Variants in PID1 observed in about 807,000 individuals in gnomAD.
PID1 encodes phosphotyrosine interaction domain containing 1.
PID1 carries 10 observed loss-of-function variants against 19.1 expected under a neutral mutation model. That is an observed-to-expected ratio of 0.52 (90% CI 0.32 to 0.89). The LOEUF (loss-of-function observed/expected upper bound fraction) is 0.89. Ranked by LOEUF, PID1 falls within the 40% of genes least tolerant of loss-of-function variation. The pLI, the probability that PID1 is intolerant of heterozygous loss-of-function variation, is 0.03. For synonymous variants in PID1, 130 were observed against 116.0 expected, an observed-to-expected ratio of 1.12 and a Z score of -0.78; for missense variants, 248 against 285.3, an observed-to-expected ratio of 0.87 and a Z score of 0.94.
At chr2:229,242,934 G>T (rs143505076) in intron 1 of PID1, among the ~76,000 whole-genome samples, 1 of 152,108 alleles carries the variant, frequency 6.6e-6, no homozygotes, top group Non-Finnish European at 1.5e-5. Flanking sequence ...ACAGCTCTGT[G>T]AAGATTCTTC....
chr2:229,271,194 G>C lies in PID1; in HGVS notation c.-151C>G, dbSNP rs1690729737. 1 of 773,488 alleles carries C rather than the reference G, an allele frequency of 1.3e-6. No individual in the cohort carries two copies. The highest frequency in any genetic ancestry group is 2.0e-6 in the Non-Finnish European group (1 of 506,976). 47.9% of individuals were successfully genotyped at this position (773,488 alleles called of 1,614,324 possible). On this transcript the variant is annotated 5_prime_UTR_variant, in exon 1 of 3. Coordinates refer to ENST00000392055, the MANE Select transcript of PID1 (RefSeq NM_001100818.2). Reference sequence around the variant, plus strand: ...CCACCGCCGCCGGGTGGGCGTAGGGGGCTGCGAGCAGGAGGAGGCGCGGCG... The same window carrying C: ...CCACCGCCGCCGGGTGGGCGTAGGGCGCTGCGAGCAGGAGGAGGCGCGGCG...
intron 1 of PID1, chr2:229,236,414 G>A (rs1397322572): frequency 1.3e-5 from 2 of 152,010 alleles, no homozygotes; most frequent in Admixed American, 6.6e-5. Context: ...TCACAAAGAC[G>A]GTTCTCCCAC....
At chr2:229,218,045 A>AGG (rs1691885312) in intron 1 of PID1, among the ~76,000 whole-genome samples, 1 of 152,186 alleles carries the variant, frequency 6.6e-6, no homozygotes. Flanking sequence ...TGTGCAGCCC[A>AGG]AAATCTTTAT....
chr2:229,150,847 G>A (rs1690236182), intron 2 of PID1, among the ~76,000 whole-genome samples: 1 of 143,964 alleles, frequency 6.9e-6, no homozygotes, highest in Non-Finnish European at 1.5e-5. Flanking sequence ...TTTCATTGTA[G>A]AGTGCCTTTT....
At chr2:229,221,097 T>C (rs781066899) in intron 1 of PID1, among the ~76,000 whole-genome samples, 7 of 152,194 alleles carry the variant, frequency 4.6e-5, no homozygotes, top group African/African-American at 7.2e-5. Context: ...CATCCAGCTT[T>C]AACCTCTTAG....
At chr2:229,087,067 C>T (rs1237043393) in intron 2 of PID1, among the ~76,000 whole-genome samples, 1 of 152,136 alleles carries the variant, frequency 6.6e-6, no homozygotes, top group Non-Finnish European at 1.5e-5. Context: ...CTGCTGCATT[C>T]AAGGATTCAA....
intron 2 of PID1, among the ~76,000 whole-genome samples, chr2:229,051,240 C>CAAAT (rs1297361826): frequency 6.6e-6 from 1 of 152,066 alleles, no homozygotes; most frequent in Non-Finnish European, 1.5e-5. Context: ...CAAAGGTAAA[C>CAAAT]AAATAGAAAA....
chr2:229,103,547 G>C (rs1000145316), intron 2 of PID1, among the ~76,000 whole-genome samples: 7 of 150,406 alleles, frequency 4.7e-5, no homozygotes, highest in Admixed American at 4.6e-4. Flanking sequence ...AATTAGCCTA[G>C]ACTGCCTAGA....
chr2:229,125,042 A>T (rs1372031746), intron 2 of PID1, among the ~76,000 whole-genome samples: 1 of 152,214 alleles, frequency 6.6e-6, no homozygotes, highest in African/African-American at 2.4e-5. Context: ...ATTTACCAAT[A>T]TCGAGGTCCT....
intron 1 of PID1, among the ~76,000 whole-genome samples, chr2:229,160,819 T>C (rs1482003395): frequency 6.6e-6 from 1 of 152,198 alleles, no homozygotes; most frequent in Non-Finnish European, 1.5e-5. Context: ...GATTGCTTGA[T>C]GAATTATTTA....
chr2:229,228,370 A>G (rs1414954021), intron 1 of PID1, among the ~76,000 whole-genome samples: 2 of 152,246 alleles, frequency 1.3e-5, no homozygotes, highest in Non-Finnish European at 2.9e-5. Flanking sequence ...CCAACTGGTA[A>G]TAACAATTTA....
chr2:229,073,247 G>A (rs1215359310), intron 2 of PID1, among the ~76,000 whole-genome samples: 3 of 152,114 alleles, frequency 2.0e-5, no homozygotes, highest in Non-Finnish European at 1.5e-5. Flanking sequence ...GGATGGTCTC[G>A]ATCTCCTGAC....
At chr2:229,258,621 A>T (rs1250961128) in intron 1 of PID1, among the ~76,000 whole-genome samples, 1 of 152,182 alleles carries the variant, frequency 6.6e-6, no homozygotes, top group Non-Finnish European at 1.5e-5. Context: ...TTTTCAATGT[A>T]TGTATAAACC....
chr2:229,115,404 A>AG (rs1442169145), intron 2 of PID1, among the ~76,000 whole-genome samples: 1 of 150,172 alleles, frequency 6.7e-6, no homozygotes, highest in Admixed American at 6.7e-5. Flanking sequence ...ACTCTGGAGA[A>AG]AAAAAAAAAA....
intron 1 of PID1, among the ~76,000 whole-genome samples, chr2:229,219,350 G>A (rs1400216829): frequency 6.6e-6 from 1 of 152,124 alleles, no homozygotes; most frequent in Non-Finnish European, 1.5e-5. Flanking sequence ...TCTTCACATG[G>A]CAACAGCAAG....
chr2:229,146,819 G>C (rs1046271401), intron 2 of PID1, among the ~76,000 whole-genome samples: 17 of 152,072 alleles, frequency 1.1e-4, no homozygotes, highest in African/African-American at 3.9e-4. Flanking sequence ...AGAAGAGAAG[G>C]CAATGTGACC....
intron 1 of PID1, among the ~76,000 whole-genome samples, chr2:229,257,345 T>C (rs1690328574): frequency 6.6e-6 from 1 of 152,158 alleles, no homozygotes; most frequent in Admixed American, 6.5e-5. Context: ...AGCCTACCAT[T>C]TCTCTCTCTT....
chr2:229,117,442 C>T (rs1477589860), intron 2 of PID1, among the ~76,000 whole-genome samples: 1 of 152,150 alleles, frequency 6.6e-6, no homozygotes, highest in Admixed American at 6.6e-5. Flanking sequence ...AACATTATTG[C>T]TTGCCTGGAT....
intron 1 of PID1, among the ~76,000 whole-genome samples, chr2:229,215,780 A>G (rs137915891): frequency 2.2e-4 from 34 of 152,370 alleles, no homozygotes; most frequent in African/African-American, 7.0e-4. Flanking sequence ...AAGTAAATAA[A>G]AGAATTAAAT....
Sources: gnomAD v4.1 joint callset for allele counts (sites outside exome capture counted in the v4.1 genomes callset) on GRCh38, gnomAD v4.1.1 for gene constraint, MANE v1.5 for transcripts, NCBI Gene and HGNC (gene_info 2026-07-23, HGNC 2026-07-21) for gene names.